Variants in DYNC1I1 observed in about 807,000 individuals in gnomAD.
DYNC1I1 encodes the protein cytoplasmic dynein 1 intermediate chain 1.
In DYNC1I1, 43 loss-of-function variants were observed where a neutral mutation model predicts 86.6. That is an observed-to-expected ratio of 0.50 (90% CI 0.39 to 0.64). DYNC1I1 has a LOEUF of 0.64. Ranked by LOEUF, DYNC1I1 falls within the 30% of genes least tolerant of loss-of-function variation. The pLI is 0.00. For missense variants in DYNC1I1, 604 were observed against 788.8 expected (o/e 0.77, Z 2.81); for synonymous variants, 262 against 283.7 (o/e 0.92, Z 0.77).
chr7:96,033,640 A>T (rs1794865706), intron 12 of DYNC1I1, among the ~76,000 whole-genome samples: 1 of 152,226 alleles, frequency 6.6e-6, no homozygotes, highest in Non-Finnish European at 1.5e-5. Context: ...CAATGTTAAC[A>T]TTCCCATATT....
chr7:95,977,375 A>G, intron 6 of DYNC1I1, 137 bp from the exon 7 acceptor site: 2 of 610,598 alleles, frequency 3.3e-6, no homozygotes, highest in East Asian at 3.1e-5. Context: ...TATCTTGGGC[A>G]TTCATTGTGG....
intron 16 of DYNC1I1, among the ~76,000 whole-genome samples, 197 bp from the exon 17 acceptor site, chr7:96,097,286 A>T (rs772901502): frequency 2.0e-5 from 3 of 152,178 alleles, no homozygotes; most frequent in Non-Finnish European, 2.9e-5. Flanking sequence ...TCCAAGAGTG[A>T]CATGGTTCTC....
chr7:95,847,575 G>A (rs1789467623), intron 5 of DYNC1I1, among the ~76,000 whole-genome samples: 5 of 152,056 alleles, frequency 3.3e-5, no homozygotes, highest in Admixed American at 3.3e-4. Context: ...TTCTTACCCA[G>A]CAACTTTTAA....
chr7:95,884,781 GA>G (rs994929271), intron 6 of DYNC1I1, among the ~76,000 whole-genome samples: 19 of 97,800 alleles, frequency 1.9e-4, no homozygotes, highest in Non-Finnish European at 3.0e-4. Context: ...CGAAAAGGAA[GA>G]AAAAAAAAGA....
intron 6 of DYNC1I1, among the ~76,000 whole-genome samples, chr7:95,887,463 T>C (rs1286182230): frequency 6.6e-6 from 1 of 152,174 alleles, no homozygotes; most frequent in Non-Finnish European, 1.5e-5. Context: ...CTCCAATGCC[T>C]TGAAGCTTTT....
intron 5 of DYNC1I1, among the ~76,000 whole-genome samples, chr7:95,853,983 G>T (rs1022486679): frequency 1.8e-4 from 28 of 151,782 alleles, no homozygotes; most frequent in African/African-American, 6.3e-4. Context: ...CCCTCTTTTG[G>T]TTTATATTTG....
At chr7:95,873,692 G>A (rs2116186295) in intron 6 of DYNC1I1, among the ~76,000 whole-genome samples, 1 of 152,304 alleles carries the variant, frequency 6.6e-6, no homozygotes, top group South Asian at 2.1e-4. Flanking sequence ...ATTGACAAGG[G>A]CTACAGATAG....
chr7:95,949,157 G>A (rs1178970570), intron 6 of DYNC1I1, among the ~76,000 whole-genome samples: 2 of 152,202 alleles, frequency 1.3e-5, no homozygotes, highest in Non-Finnish European at 2.9e-5. Flanking sequence ...GTGGTCGAAT[G>A]TAGATCAAAT....
At chr7:96,083,857 A>T (rs2116283009) in intron 16 of DYNC1I1, among the ~76,000 whole-genome samples, 1 of 152,252 alleles carries the variant, frequency 6.6e-6, no homozygotes, top group South Asian at 2.1e-4. Context: ...TAGATAGAAA[A>T]CCTTGCTTTG....
chr7:95,806,866 GGCTGTAAGACAGAAGACATAAAC>G (rs1455279245), intron 2 of DYNC1I1, among the ~76,000 whole-genome samples: 3 of 152,166 alleles, frequency 2.0e-5, no homozygotes, highest in Non-Finnish European at 4.4e-5. Context: ...GAGCAGCCAA[GGCTGTAAGACAGAAGACATAAAC>G]ACAGTGATTA....
chr7:95,964,903 C>T (rs887205800), intron 6 of DYNC1I1, among the ~76,000 whole-genome samples: 2 of 152,130 alleles, frequency 1.3e-5, no homozygotes, highest in Admixed American at 1.3e-4. Flanking sequence ...AATGCAAAAG[C>T]TGTGAGGTGT....
At chr7:96,014,767 C>G (rs769067874) in intron 10 of DYNC1I1, among the ~76,000 whole-genome samples, 10 of 152,168 alleles carry the variant, frequency 6.6e-5, no homozygotes, top group Admixed American at 3.9e-4. Flanking sequence ...TTGTGAAGTA[C>G]TGCAGACAAT....
intron 1 of DYNC1I1, among the ~76,000 whole-genome samples, chr7:95,787,198 A>G (rs759175401): frequency 4.6e-5 from 7 of 152,132 alleles, no homozygotes; most frequent in Non-Finnish European, 1.0e-4. Flanking sequence ...CTAACTTCCC[A>G]CTGGATCACA....
chr7:96,003,575 G>A (rs1283187618), intron 10 of DYNC1I1, among the ~76,000 whole-genome samples: 1 of 152,004 alleles, frequency 6.6e-6, no homozygotes, highest in African/African-American at 2.4e-5. Flanking sequence ...TTTTCATATA[G>A]GCAAGAGCAG....
chr7:95,932,290 C>T (rs1282841959), intron 6 of DYNC1I1, among the ~76,000 whole-genome samples: 2 of 152,160 alleles, frequency 1.3e-5, no homozygotes, highest in Admixed American at 1.3e-4. Flanking sequence ...ACTGGAAAAT[C>T]ACATACACAC....
intron 6 of DYNC1I1, among the ~76,000 whole-genome samples, chr7:95,969,534 G>C (rs1793110900): frequency 6.6e-6 from 1 of 152,194 alleles, no homozygotes; most frequent in African/African-American, 2.4e-5. Context: ...GAGTATCTCT[G>C]AGAAGGTCCT....
At chr7:95,790,065 T>A (rs960121873) in intron 1 of DYNC1I1, among the ~76,000 whole-genome samples, 2 of 152,168 alleles carry the variant, frequency 1.3e-5, no homozygotes, top group Non-Finnish European at 2.9e-5. Context: ...AGGAATTAAT[T>A]ATCTTGTCTT....
chr7:96,013,154 C>T (rs1204121993), intron 10 of DYNC1I1, among the ~76,000 whole-genome samples: 2 of 151,886 alleles, frequency 1.3e-5, no homozygotes, highest in African/African-American at 4.8e-5. Context: ...GAGAGAGAGG[C>T]AAAGAGGGTC....
chr7:95,842,434 G>A (rs1330131448), intron 5 of DYNC1I1, among the ~76,000 whole-genome samples: 2 of 152,180 alleles, frequency 1.3e-5, no homozygotes, highest in Non-Finnish European at 2.9e-5. Flanking sequence ...CTATTACAAG[G>A]TGATAGACGT....
Sources: allele counts gnomAD v4.1 joint callset (sites outside exome capture counted in the v4.1 genomes callset), GRCh38; gene constraint gnomAD v4.1.1; transcripts MANE v1.5; gene names NCBI Gene and HGNC (gene_info 2026-07-23, HGNC 2026-07-21).